The following PTPRD variants were observed in gnomAD, a reference collection of about 807,000 sequenced individuals.
PTPRD encodes the protein protein tyrosine phosphatase receptor type D.
In PTPRD, 34 loss-of-function variants were observed where a neutral mutation model predicts 214.5. The observed-to-expected ratio is 0.16, with a 90% confidence interval of 0.12 to 0.21. The LOEUF is 0.21. Ranked by LOEUF, PTPRD falls within the 10% of genes least tolerant of loss-of-function variation. The pLI is 1.00. For missense variants in PTPRD, 2,545 were observed against 2,398.7 expected (o/e 1.06, Z -1.27); for synonymous variants, 1,128 against 845.7 (o/e 1.33, Z -5.79).
At chr9:9,181,281 C>T (rs925741853) in intron 10 of PTPRD, among the ~76,000 whole-genome samples, 3 of 151,764 alleles carry the variant, frequency 2.0e-5, no homozygotes, top group African/African-American at 7.3e-5. Context: ...ATCTTGTTTT[C>T]GTTTTTATTC....
At chr9:8,644,290 C>T (rs1404930174) in intron 12 of PTPRD, among the ~76,000 whole-genome samples, 1 of 152,088 alleles carries the variant, frequency 6.6e-6, no homozygotes, top group African/African-American at 2.4e-5. Flanking sequence ...AGGAGCTGAA[C>T]ATTCATCAGG....
chr9:8,947,272 G>A (rs2154299910), intron 11 of PTPRD, among the ~76,000 whole-genome samples: 1 of 151,496 alleles, frequency 6.6e-6, no homozygotes, highest in South Asian at 2.1e-4. Context: ...GACCATCCTG[G>A]CTAACATGGT....
intron 12 of PTPRD, among the ~76,000 whole-genome samples, chr9:8,655,321 A>T (rs181072530): frequency 3.3e-5 from 5 of 152,322 alleles, no homozygotes; most frequent in Admixed American, 2.0e-4. Flanking sequence ...AATTGTAAGT[A>T]GAATTCATAG....
intron 4 of PTPRD, among the ~76,000 whole-genome samples, chr9:10,028,736 G>C (rs182582899): frequency 1.3e-5 from 2 of 152,288 alleles, no homozygotes; most frequent in Admixed American, 1.3e-4. Flanking sequence ...GCATTCAAGA[G>C]GTGACTTGGG....
intron 3 of PTPRD, among the ~76,000 whole-genome samples, chr9:10,160,237 A>G (rs2099119288): frequency 6.6e-6 from 1 of 152,118 alleles, no homozygotes; most frequent in Non-Finnish European, 1.5e-5. Flanking sequence ...GTATACACCA[A>G]TAAATTGGAA....
intron 35 of PTPRD, among the ~76,000 whole-genome samples, chr9:8,412,532 A>G (rs1249872434): frequency 6.6e-6 from 1 of 152,168 alleles, no homozygotes; most frequent in African/African-American, 2.4e-5. Context: ...GAAAATGCTG[A>G]CACATCTGTA....
chr9:8,610,238 G>C (rs2095397803), intron 14 of PTPRD, among the ~76,000 whole-genome samples: 1 of 152,116 alleles, frequency 6.6e-6, no homozygotes, highest in Admixed American at 6.5e-5. Context: ...TACTTCACAG[G>C]ATTGCTGTGA....
intron 3 of PTPRD, among the ~76,000 whole-genome samples, chr9:10,079,815 G>A (rs146270737): frequency 3.9e-5 from 6 of 152,004 alleles, no homozygotes; most frequent in Non-Finnish European, 5.9e-5. Context: ...CTGCAAAATA[G>A]GTCTATTGTC....
At chr9:9,295,146 G>C (rs141208279) in intron 9 of PTPRD, among the ~76,000 whole-genome samples, 1 of 151,612 alleles carries the variant, frequency 6.6e-6, no homozygotes, top group Non-Finnish European at 1.5e-5. Context: ...AATAAAATAC[G>C]TCCTTTAAAA....
intron 35 of PTPRD, among the ~76,000 whole-genome samples, chr9:8,425,451 A>AT (rs34981251): frequency 0.52 from 78,251 of 151,734 alleles, 20,591 homozygotes; most frequent in East Asian, 0.74. Context: ...CATGACCCTG[A>AT]GCTGCAATGA....
chr9:9,448,224 G>A (rs2091078092), intron 8 of PTPRD, among the ~76,000 whole-genome samples: 2 of 151,988 alleles, frequency 1.3e-5, no homozygotes, highest in African/African-American at 2.4e-5. Context: ...TAGTCAAAAA[G>A]CACTTAATGA....
chr9:8,470,879 T>C, intron 31 of PTPRD, 116 bp downstream of exon 31: 1 of 832,316 alleles, frequency 1.2e-6, no homozygotes. Context: ...TCCAACCAGC[T>C]AGGTATGGAG....
At chr9:10,264,513 C>G (rs1337562741) in intron 3 of PTPRD, among the ~76,000 whole-genome samples, 3 of 152,116 alleles carry the variant, frequency 2.0e-5, no homozygotes, top group Admixed American at 2.0e-4. Flanking sequence ...TGCATGGGGC[C>G]TTTAGTCCCT....
intron 11 of PTPRD, among the ~76,000 whole-genome samples, chr9:9,007,558 T>G (rs374562963): frequency 6.6e-6 from 1 of 151,914 alleles, no homozygotes; most frequent in East Asian, 1.9e-4. Context: ...TTCTTTCTAA[T>G]CACTCCAAAA....
At chr9:8,510,864 G>C (rs1274150141) in intron 21 of PTPRD, among the ~76,000 whole-genome samples, 1 of 152,060 alleles carries the variant, frequency 6.6e-6, no homozygotes, top group Non-Finnish European at 1.5e-5. Context: ...GTCCTAATGA[G>C]CATAATATAT....
intron 22 of PTPRD, among the ~76,000 whole-genome samples, chr9:8,506,087 T>C (rs1447406654): frequency 1.3e-5 from 2 of 152,232 alleles, no homozygotes; most frequent in Admixed American, 6.5e-5. Context: ...TCTGCTCAAT[T>C]CAAACAGATG....
chr9:9,908,339 G>T (rs1192754453), intron 5 of PTPRD, among the ~76,000 whole-genome samples: 2 of 151,948 alleles, frequency 1.3e-5, no homozygotes, highest in Non-Finnish European at 2.9e-5. Context: ...TCAAGGAAGG[G>T]AACAGAGGGC....
At chr9:9,278,439 G>A (rs1347221039) in intron 9 of PTPRD, among the ~76,000 whole-genome samples, 1 of 151,270 alleles carries the variant, frequency 6.6e-6, no homozygotes, top group Non-Finnish European at 1.5e-5. Context: ...TAATATATGA[G>A]AAGATACATT....
At chr9:8,973,464 G>A (rs1160789730) in intron 11 of PTPRD, among the ~76,000 whole-genome samples, 2 of 151,864 alleles carry the variant, frequency 1.3e-5, no homozygotes, top group African/African-American at 4.8e-5. Flanking sequence ...CCAATCCACC[G>A]TTGATAGGTA....
Sources: gnomAD v4.1 joint callset for allele counts (sites outside exome capture counted in the v4.1 genomes callset) on GRCh38, gnomAD v4.1.1 for gene constraint, MANE v1.5 for transcripts, NCBI Gene and HGNC (gene_info 2026-07-23, HGNC 2026-07-21) for gene names.